The following CADM2 variants were observed in gnomAD, a reference collection of about 807,000 sequenced individuals.
The protein encoded by CADM2 is cell adhesion molecule 2, also known as immunoglobulin superfamily member 4D.
A neutral mutation model predicts 49.8 loss-of-function variants in CADM2; 12 were observed. That is an observed-to-expected ratio of 0.24 (90% confidence interval 0.15 to 0.39). The LOEUF (loss-of-function observed/expected upper bound fraction) is 0.39. Among genes scored for constraint, CADM2 ranks in the 10% least tolerant of loss-of-function variants. CADM2 has a pLI of 1.00. For missense variants in CADM2, 378 were observed against 492.3 expected (o/e 0.77, Z 2.20); for synonymous variants, 214 against 175.4 (o/e 1.22, Z -1.74).
In CADM2 at chr3:85,414,761, T is replaced by C. The variant is rs181363242; in HGVS notation, c.62-311761T>C. Among the ~76,000 whole-genome samples the C allele has an allele frequency of 1.2e-4, 19 of 152,300 alleles. No homozygotes were observed. In the East Asian group the frequency reaches 3.7e-3, roughly 29 times the overall value. ...GCTTTTTACATTTCCATTCAAACTT[T>C]ACTTTACATTGACTGACATATCTTG... is the stretch of plus-strand genomic sequence containing the variant. On this transcript the variant is annotated intron_variant, in intron 1 of 9. Coordinates refer to ENST00000383699, the MANE Select transcript of CADM2 (RefSeq NM_001167675.2).
intron 8 of CADM2, chr3:85,994,485 A>T (rs898314618): frequency 6.6e-6 from 1 of 152,200 alleles, no homozygotes; most frequent in Non-Finnish European, 1.5e-5. Flanking sequence ...CCGGAGTAGC[A>T]CTTTTCATCT....
In CADM2 at chr3:85,541,915, C is replaced by A. The variant is rs1261801868; in HGVS notation, c.62-184607C>A. On this transcript the variant is annotated intron_variant, in intron 1 of 9. Coordinates refer to ENST00000383699, the MANE Select transcript of CADM2 (RefSeq NM_001167675.2). ...AAGCATAAGAACGACATGGAGTATA[C>A]ACTGTGTTTTAAAAAATAATTCTAA... Among the ~76,000 whole-genome samples the A allele has an allele frequency of 2.0e-5, 3 of 151,002 alleles. No homozygotes were observed. The East Asian group carries it at 5.8e-4, about 29-fold the overall frequency.
Position 85,960,471 on chromosome 3 carries a change from G to A in CADM2, c.792-998G>A, listed in dbSNP as rs533929032. The stretch of plus-strand genomic sequence containing the variant: ...TGTTAGAAAGCAGGAGGTACTAGAT[G>A]AAGCATCAACTATAGAGGAAGACCA... On this transcript the variant is annotated intron_variant, in intron 7 of 9. Coordinates refer to ENST00000383699, the MANE Select transcript of CADM2 (RefSeq NM_001167675.2). Among the ~76,000 whole-genome samples the A allele has an allele frequency of 2.2e-4, 34 of 151,988 alleles. No individual in the cohort carries two copies. In the South Asian group the frequency reaches 7.0e-3, roughly 31 times the overall value.
chr3:85,192,566 A>G (rs909324687), intron 1 of CADM2, among the ~76,000 whole-genome samples: 2 of 138,258 alleles, frequency 1.4e-5, no homozygotes, highest in East Asian at 2.1e-4. Flanking sequence ...GAATATATAT[A>G]TATGTACATA....
At chr3:85,498,703 G>A (rs1227537772) in intron 1 of CADM2, among the ~76,000 whole-genome samples, 2 of 152,012 alleles carry the variant, frequency 1.3e-5, no homozygotes, top group Non-Finnish European at 2.9e-5. Flanking sequence ...ACGGAAACAC[G>A]CATAAAATAA....
At chr3:85,986,230 A>T (rs1728092793) in intron 8 of CADM2, among the ~76,000 whole-genome samples, 1 of 152,062 alleles carries the variant, frequency 6.6e-6, no homozygotes, top group Non-Finnish European at 1.5e-5. Context: ...TTAAAAACAG[A>T]ATACAAAGAA....
intron 1 of CADM2, among the ~76,000 whole-genome samples, chr3:85,437,250 G>C (rs2036974054): frequency 6.6e-6 from 1 of 152,036 alleles, no homozygotes; most frequent in Non-Finnish European, 1.5e-5. Flanking sequence ...TTCACCTACT[G>C]AATACTGAAG....
chr3:85,200,608 C>T (rs749091013), intron 1 of CADM2, among the ~76,000 whole-genome samples: 3 of 151,892 alleles, frequency 2.0e-5, no homozygotes, highest in South Asian at 2.1e-4. Context: ...GACAAATATG[C>T]GGATTGCTGG....
intron 2 of CADM2, among the ~76,000 whole-genome samples, chr3:85,791,521 G>GGAGA (rs373247946): frequency 7.5e-4 from 99 of 131,342 alleles, no homozygotes; most frequent in Middle Eastern, 3.9e-3. Flanking sequence ...GGGTGGGGAG[G>GGAGA]GAGAGAGAGA....
chr3:85,928,405 C>T (rs988984752), intron 6 of CADM2, among the ~76,000 whole-genome samples: 1 of 152,152 alleles, frequency 6.6e-6, no homozygotes, highest in African/African-American at 2.4e-5. Context: ...GATCCGTCCA[C>T]CTCGGCCTCC....
intron 1 of CADM2, among the ~76,000 whole-genome samples, chr3:85,718,882 TTTATTATTATTATTATTATTA>T (rs71112111): frequency 6.4e-5 from 9 of 141,338 alleles, no homozygotes; most frequent in Admixed American, 1.4e-4. Context: ...TTAATGGTAT[TTTATTATTATTATTATTATTA>T]TTATTATTAT....
chr3:85,541,755 TTA>T (rs1317190535), intron 1 of CADM2, among the ~76,000 whole-genome samples: 1 of 27,216 alleles, frequency 3.7e-5, no homozygotes, highest in Non-Finnish European at 1.1e-4. Flanking sequence ...TTTATATATT[TTA>T]TATATATATT....
chr3:85,476,227 G>C (rs187417803), intron 1 of CADM2, among the ~76,000 whole-genome samples: 162 of 149,826 alleles, frequency 1.1e-3, no homozygotes, highest in African/African-American at 3.8e-3. Context: ...TTTGATAACT[G>C]TTATAAAAAG....
At chr3:86,056,353 G>C (rs1002319967) in intron 8 of CADM2, among the ~76,000 whole-genome samples, 4 of 152,156 alleles carry the variant, frequency 2.6e-5, no homozygotes, top group African/African-American at 9.7e-5. Context: ...GAAAGGAAGA[G>C]AACTATGCTA....
chr3:85,139,676 T>C (rs993466797), intron 1 of CADM2, among the ~76,000 whole-genome samples: 2 of 152,140 alleles, frequency 1.3e-5, no homozygotes, highest in African/African-American at 4.8e-5. Flanking sequence ...AGCCATGTAA[T>C]AGAATAGTCA....
chr3:85,704,079 T>C (rs535546938), intron 1 of CADM2, among the ~76,000 whole-genome samples: 1 of 152,322 alleles, frequency 6.6e-6, no homozygotes, highest in South Asian at 2.1e-4. Context: ...AACTGCACCT[T>C]AGATGACTCA....
intron 1 of CADM2, among the ~76,000 whole-genome samples, chr3:85,250,401 A>G (rs1328210980): frequency 6.6e-6 from 1 of 151,658 alleles, no homozygotes; most frequent in Admixed American, 6.6e-5. Flanking sequence ...TATTTTATTA[A>G]GAAAACAAGG....
chr3:85,100,967 A>T (rs1001730735), intron 1 of CADM2, among the ~76,000 whole-genome samples: 1 of 152,082 alleles, frequency 6.6e-6, no homozygotes, highest in African/African-American at 2.4e-5. Flanking sequence ...ATACAAATCA[A>T]CCTACAGGCT....
chr3:85,523,818 G>C (rs2061088673), intron 1 of CADM2, among the ~76,000 whole-genome samples: 1 of 151,980 alleles, frequency 6.6e-6, no homozygotes. Context: ...TATATCCATA[G>C]AGAGGAAAAA....
Sources: allele counts gnomAD v4.1 joint callset (sites outside exome capture counted in the v4.1 genomes callset), GRCh38; gene constraint gnomAD v4.1.1; transcripts MANE v1.5; gene names NCBI Gene and HGNC (gene_info 2026-07-23, HGNC 2026-07-21).